HERC5: variants seen among roughly 807,000 people sequenced by gnomAD.
The protein encoded by HERC5 is HECT and RLD domain containing E3 ubiquitin protein ligase 5, also known as E3 ISG15--protein ligase HERC5.
Under a neutral mutation model 119.6 loss-of-function variants are expected in HERC5, and 99 were observed. That is an observed-to-expected ratio of 0.83 (90% CI 0.70 to 0.98). HERC5 has a LOEUF of 0.98. HERC5 is among the 50% of genes least tolerant of loss of function. HERC5 has a pLI of 0.00. For synonymous variants in HERC5, 478 were observed against 445.9 expected, an observed-to-expected ratio of 1.07 and a Z score of -0.91; for missense variants, 1,267 against 1,241.3, an observed-to-expected ratio of 1.02 and a Z score of -0.31.
At chr4:88,478,522 TAAGAC>T (rs1199419247) in intron 12 of HERC5, among the ~76,000 whole-genome samples, 1 of 152,128 alleles carries the variant, frequency 6.6e-6, no homozygotes, top group Non-Finnish European at 1.5e-5. Flanking sequence ...ATCTACTAGA[TAAGAC>T]AACAGGAGGA....
At chr4:88,476,966 A>G (rs971449852) in intron 12 of HERC5, among the ~76,000 whole-genome samples, 3 of 151,488 alleles carry the variant, frequency 2.0e-5, no homozygotes, top group Non-Finnish European at 4.4e-5. Context: ...CATCATTATC[A>G]TATCTAAGAA....
In HERC5 at chr4:88,475,837, A is replaced by G. The variant is rs749313128; in HGVS notation, c.1393-4A>G. 4.4e-5 allele frequency: 71 copies of G among 1,613,366 alleles called. No homozygotes were observed. The highest frequency in any genetic ancestry group is 3.0e-4 in the Admixed American group (18 of 59,918). The stretch of plus-strand genomic sequence containing the variant: ...CCCTTTTCCCTGTTCCTTTCTGACC[A>G]CAGATAACCACCTGCCTCAAAGATA... On this transcript the variant is annotated splice_polypyrimidine_tract_variant and splice_region_variant and intron_variant, in intron 11 of 22. Transcript: ENST00000264350.
At chr4:88,480,724 A>G (rs1337963661) in intron 13 of HERC5, among the ~76,000 whole-genome samples, 1 of 152,172 alleles carries the variant, frequency 6.6e-6, no homozygotes, top group South Asian at 2.1e-4. Flanking sequence ...AGGAAATGAT[A>G]CCAAATTATG....
intron 16 of HERC5, among the ~76,000 whole-genome samples, chr4:88,492,179 T>A (rs1741660651): frequency 6.6e-6 from 1 of 151,694 alleles, no homozygotes; most frequent in Non-Finnish European, 1.5e-5. Flanking sequence ...AATTTTTGTA[T>A]TTTTAGTAGA....
At chr4:88,469,819 A>G (rs907801767) in intron 9 of HERC5, among the ~76,000 whole-genome samples, 6 of 152,260 alleles carry the variant, frequency 3.9e-5, no homozygotes, top group African/African-American at 7.2e-5. Context: ...AAGTTGACAT[A>G]TAAAACTAAC....
At chr4:88,470,778 TA>T in intron 10 of HERC5, 105 bp downstream of exon 10, 1 of 503,500 alleles carries the variant, frequency 2.0e-6, no homozygotes, top group East Asian at 3.5e-5. Context: ...CATCCCTTTT[TA>T]AAAATTTTTT....
chr4:88,498,570 T>A (rs575912754), intron 18 of HERC5, among the ~76,000 whole-genome samples: 8 of 152,330 alleles, frequency 5.3e-5, no homozygotes, highest in Non-Finnish European at 1.2e-4. Flanking sequence ...TGTTGTATTT[T>A]ATTTAATTTA....
chr4:88,462,379 C>T, intron 4 of HERC5, 23 bp downstream of exon 4: 4 of 1,574,484 alleles, frequency 2.5e-6, no homozygotes, highest in Non-Finnish European at 2.6e-6. Context: ...TTCTCAGATT[C>T]CTATTACCAA....
chr4:88,479,284 C>CAA (rs376253040), intron 12 of HERC5, 69 bp from the exon 13 acceptor site: 3,397 of 926,514 alleles, frequency 3.7e-3, no homozygotes, highest in Middle Eastern at 4.9e-3. Context: ...GACTCTGTCT[C>CAA]AAAAAAAAAA....
At chr4:88,484,869 A>G (rs1245862703) in intron 13 of HERC5, among the ~76,000 whole-genome samples, 1 of 152,196 alleles carries the variant, frequency 6.6e-6, no homozygotes, top group Non-Finnish European at 1.5e-5. Flanking sequence ...TGACCTGATT[A>G]TTCCATATCT....
At chr4:88,487,623 C>T (rs957347565) in intron 15 of HERC5, among the ~76,000 whole-genome samples, 1 of 152,154 alleles carries the variant, frequency 6.6e-6, no homozygotes, top group African/African-American at 2.4e-5. Context: ...CAATAAATGG[C>T]TACTACTCTG....
intron 3 of HERC5, among the ~76,000 whole-genome samples, chr4:88,461,911 T>C (rs1362834068): frequency 6.6e-6 from 1 of 152,168 alleles, no homozygotes; most frequent in African/African-American, 2.4e-5. Flanking sequence ...TTTAATATGT[T>C]CAAATAGCTT....
At chr4:88,473,919 C>G (rs1278540643) in intron 11 of HERC5, 1 of 152,148 alleles carries the variant, frequency 6.6e-6, no homozygotes, top group Non-Finnish European at 1.5e-5. Flanking sequence ...ATAGGGCATC[C>G]TTGACCTCCA....
intron 19 of HERC5, 83 bp downstream of exon 19, chr4:88,500,075 C>A: frequency 2.4e-6 from 2 of 819,214 alleles, no homozygotes; most frequent in Non-Finnish European, 2.0e-6. Context: ...TCAACTTTTA[C>A]TTAAAAAAAA....
At position 88,472,478 on chromosome 4, in the gene HERC5, C is replaced by G. The variant is rs775226010; in HGVS notation, c.1368C>G (p.Thr456=). ...CAAGAAACATCTTCAAGGAGTTAAC[C>G]CAAAAGGACTGGATTACTAACATGG... ...NKARNIFKEL[T]QKDWITNMIT... Residue 456 remains threonine (T), a synonymous_variant, in exon 11 of 23, where the codon ACC becomes ACG. Coordinates refer to ENST00000264350, the MANE Select transcript of HERC5 (RefSeq NM_016323.4). The G allele has an allele frequency of 5.2e-5, 83 of 1,591,656 alleles. 1 individual carries two copies. In the South Asian group the frequency reaches 9.2e-4, roughly 18 times the overall value.
intron 14 of HERC5, among the ~76,000 whole-genome samples, 182 bp downstream of exon 14, chr4:88,486,410 TG>T (rs1741468042): frequency 6.6e-6 from 1 of 152,124 alleles, no homozygotes; most frequent in Admixed American, 6.5e-5. Flanking sequence ...CCTTGGGAGA[TG>T]ACTATGGGAG....
chr4:88,482,165 C>T (rs1432228541), intron 13 of HERC5, among the ~76,000 whole-genome samples: 1 of 152,048 alleles, frequency 6.6e-6, no homozygotes, highest in Non-Finnish European at 1.5e-5. Flanking sequence ...CAAAAGTTAG[C>T]TGGGTGTGGT....
At chr4:88,474,277 A>T (rs1233590080) in intron 11 of HERC5, among the ~76,000 whole-genome samples, 1 of 152,224 alleles carries the variant, frequency 6.6e-6, no homozygotes, top group African/African-American at 2.4e-5. Flanking sequence ...TAGGGCAGTG[A>T]ATGGTTAGCT....
chr4:88,477,559 GGGGAA>G (rs1445631760), intron 12 of HERC5, among the ~76,000 whole-genome samples: 1 of 111,874 alleles, frequency 8.9e-6, no homozygotes. Flanking sequence ...GGGAGGGGAA[GGGGAA>G]GGGAGGGGAG....
Sources: allele counts gnomAD v4.1 joint callset (sites outside exome capture counted in the v4.1 genomes callset), GRCh38; gene constraint gnomAD v4.1.1; transcripts MANE v1.5; gene names NCBI Gene and HGNC (gene_info 2026-07-23, HGNC 2026-07-21).